Variants in FBLIM1 observed in about 807,000 individuals in gnomAD.
The protein encoded by FBLIM1 is filamin binding LIM protein 1, also known as filamin-binding LIM protein 1.
A neutral mutation model predicts 37.4 loss-of-function variants in FBLIM1; 29 were observed. That is an observed-to-expected ratio of 0.77 (90% CI 0.58 to 1.06). The LOEUF (loss-of-function observed/expected upper bound fraction) is 1.06. Among genes scored for constraint, FBLIM1 ranks in the 50% least tolerant of loss-of-function variants. The pLI is 0.00. For missense variants in FBLIM1, 449 were observed against 505.6 expected (o/e 0.89, Z 1.07); for synonymous variants, 193 against 199.0 (o/e 0.97, Z 0.25).
At chr1:15,769,798 G>C (rs1300369947) in intron 5 of FBLIM1, among the ~76,000 whole-genome samples, 1 of 151,942 alleles carries the variant, frequency 6.6e-6, no homozygotes, top group Non-Finnish European at 1.5e-5. Context: ...ACCACGCCCA[G>C]CTAATTTTTG....
Position 15,785,933 on chromosome 1 carries a change from A to G in FBLIM1, c.*1272A>G, listed in dbSNP as rs2069758125. On this transcript the variant is annotated 3_prime_UTR_variant, in exon 9 of 9. Coordinates refer to ENST00000375766, the MANE Select transcript of FBLIM1 (RefSeq NM_017556.4). ...GTGTTGAGTCAGCAGGCATGGGGTG[A>G]GAGCCTGGTATATGCTGGGAACAGG... The G allele has an allele frequency of 6.6e-6, 1 of 152,248 alleles. No individual in the cohort carries two copies. Among genetic ancestry groups the G allele is most frequent in the Non-Finnish European group, 1.5e-5 (1 of 68,082 alleles). 9.4% of individuals were successfully genotyped at this position (152,248 alleles called of 1,614,324 possible).
chr1:15,762,260 GTTTTTT>G (rs57122494), intron 1 of FBLIM1, among the ~76,000 whole-genome samples: 4 of 108,668 alleles, frequency 3.7e-5, no homozygotes, highest in Non-Finnish European at 5.6e-5. Flanking sequence ...TGGCTAATTT[GTTTTTT>G]TTTTTTTTTT....
upstream of FBLIM1, chr1:15,758,758 G>A (rs1022670433): frequency 1.1e-4 from 17 of 151,852 alleles, no homozygotes; most frequent in Admixed American, 3.3e-4. The surrounding 1 kb of genome is among the most constrained non-coding windows in gnomAD (Gnocchi z 6.2). Context: ...GGCGGGGAGG[G>A]CGGACGGGCG....
rs11487757 is a variant in FBLIM1, at chr1:15,773,149, G to T, written c.712-1469G>T. ...GGCCAGGTGCCGTGGCTCATGCCAGGCCGAGGCAGGTGGATCACCTGAGGT... is the reference window on the plus strand; with the variant it reads ...GGCCAGGTGCCGTGGCTCATGCCAGTCCGAGGCAGGTGGATCACCTGAGGT... On this transcript the variant is annotated intron_variant, in intron 6 of 8. Coordinates refer to ENST00000375766, the MANE Select transcript of FBLIM1 (RefSeq NM_017556.4). 7.3e-3 allele frequency among the ~76,000 whole-genome samples: 1,115 copies of T among 152,274 alleles called. 12 individuals are homozygous for T. The highest frequency in any genetic ancestry group is 0.026 in the African/African-American group (1,064 of 41,566).
chr1:15,782,690 G>A (rs1325660356), intron 8 of FBLIM1, among the ~76,000 whole-genome samples: 1 of 152,134 alleles, frequency 6.6e-6, no homozygotes, highest in Non-Finnish European at 1.5e-5. Flanking sequence ...TGGCCTTGTA[G>A]GGAGGAGACA....
intron 7 of FBLIM1, 65 bp downstream of exon 7, chr1:15,774,861 G>A (rs1415348225): frequency 1.2e-6 from 2 of 1,613,398 alleles, no homozygotes; most frequent in Non-Finnish European, 1.7e-6. Flanking sequence ...CAGGGTGAAG[G>A]AGCTGAGCTT....
intron 4 of FBLIM1, among the ~76,000 whole-genome samples, chr1:15,768,038 A>G (rs1458949481): frequency 6.6e-6 from 1 of 152,070 alleles, no homozygotes; most frequent in Non-Finnish European, 1.5e-5. Context: ...CACCCACACC[A>G]TGCCTGGCTA....
In FBLIM1 at chr1:15,777,229, A is replaced by G. The variant is rs1288641122; in HGVS notation, c.950A>G (p.Asp317Gly). 6.2e-7 allele frequency: 1 copy of G among 1,613,496 alleles called. No homozygotes were observed. The highest frequency in any genetic ancestry group is 1.7e-5 in the Admixed American group (1 of 59,952). ...CCCATCATCCCTCGGGATGGGAAAG[A>G]TGCCTTCAAAATCGAATGCATGGGA... is the stretch of plus-strand genomic sequence containing the variant. ...ENPIIPRDGK[D>G]AFKIECMGRN... Residue 317 changes from aspartate (D) to glycine (G), a missense_variant, in exon 8 of 9, where the codon GAT becomes GGT. Coordinates refer to ENST00000375766, the MANE Select transcript of FBLIM1 (RefSeq NM_017556.4).
At chr1:15,771,849 C>T (rs1264010911) in intron 6 of FBLIM1, among the ~76,000 whole-genome samples, 2 of 151,692 alleles carry the variant, frequency 1.3e-5, no homozygotes. Context: ...GGCCAAGGAG[C>T]TGGGATTCTA....
At chr1:15,774,119 C>G (rs181649062) in intron 6 of FBLIM1, among the ~76,000 whole-genome samples, 1 of 152,090 alleles carries the variant, frequency 6.6e-6, no homozygotes, top group Middle Eastern at 3.2e-3. Flanking sequence ...AGTAACAGAG[C>G]GAGACTCTGT....
Position 15,760,625 on chromosome 1 carries a change from G to T in FBLIM1, c.-211+1777G>T, listed in dbSNP as rs567480294. On this transcript the variant is annotated intron_variant, in intron 1 of 8. Coordinates refer to ENST00000375766, the MANE Select transcript of FBLIM1 (RefSeq NM_017556.4). ...CTTTGTAGGGAACAAGGAGTAGGAA[G>T]GAGGACTGTGGGGGTGACCCCCCCT... Among the ~76,000 whole-genome samples, 5 of 151,472 alleles carry T rather than the reference G, an allele frequency of 3.3e-5. No homozygotes were observed. In the East Asian group the frequency reaches 9.7e-4, roughly 29 times the overall value.
Position 15,765,358 on chromosome 1 carries a change from C to T in FBLIM1, c.250+125C>T. On this transcript the variant is annotated intron_variant, in intron 3 of 8. Transcript: ENST00000375766. The surrounding 1 kb of genome is among the most constrained non-coding windows in gnomAD (Gnocchi z 5.9). ...ACAAAATTCACACATCAACGGGAAA[C>T]AAAAAGATGTGCCCCTTCTGGGTGG... 1 of 1,346,078 alleles carries T rather than the reference C, an allele frequency of 7.4e-7. No homozygotes were observed. The highest frequency in any genetic ancestry group is 1.5e-5 in the South Asian group (1 of 67,822). 83.4% of individuals were successfully genotyped at this position (1,346,078 alleles called of 1,614,324 possible). A position where few individuals can be genotyped will look rare whatever the true frequency, so the allele number is the denominator to read the frequency against.
In FBLIM1 at chr1:15,765,952, C is replaced by T. The variant is rs1375669396; in HGVS notation, c.250+719C>T. ...CTGGTTCCTGACTCCGTGAGCTCAT[C>T]GGAGCCTCTTTCTCTCACTTCCGCT... is the stretch of plus-strand genomic sequence containing the variant. On this transcript the variant is annotated intron_variant, in intron 3 of 8. Transcript: ENST00000375766. The surrounding 1 kb of genome is among the most constrained non-coding windows in gnomAD (Gnocchi z 5.9). Among the ~76,000 whole-genome samples the T allele has an allele frequency of 6.6e-6, 1 of 152,156 alleles. No homozygotes were observed. Among genetic ancestry groups the T allele is most frequent in the East Asian group, 1.9e-4 (1 of 5,186 alleles).
intron 5 of FBLIM1, among the ~76,000 whole-genome samples, chr1:15,769,611 G>T (rs2069103259): frequency 1.3e-5 from 2 of 152,146 alleles, no homozygotes; most frequent in South Asian, 4.2e-4. Flanking sequence ...CTGCTGTCCA[G>T]AATTCCTTAT....
intron 7 of FBLIM1, chr1:15,775,195 G>C (rs2069440609): frequency 5.1e-6 from 1 of 195,606 alleles, no homozygotes. Flanking sequence ...ACTCCAGCCT[G>C]GGCAACAGAG....
At chr1:15,762,557 G>C in intron 1 of FBLIM1, among the ~76,000 whole-genome samples, 1 of 152,066 alleles carries the variant, frequency 6.6e-6, no homozygotes, top group Non-Finnish European at 1.5e-5. Context: ...CTCCACGCCA[G>C]GCCAAATTTT....
Position 15,774,725 on chromosome 1 carries a change from C to T in FBLIM1, c.819C>T (p.Ala273=). 6.2e-7 allele frequency: 1 copy of T among 1,614,114 alleles called. No individual in the cohort carries two copies. The highest frequency in any genetic ancestry group is 8.5e-7 in the Non-Finnish European group (1 of 1,179,994). ...HPSCFTCVTC[A]RCIGDESFAL... ...CCTGCTTCACGTGTGTGACCTGCGC[C>T]CGGTGCATTGGGGATGAGAGCTTTG... Residue 273 remains alanine, a synonymous_variant, in exon 7 of 9, where the codon GCC becomes GCT. Transcript: ENST00000375766.
chr1:15,777,564 C>A (rs1263581406), intron 8 of FBLIM1, among the ~76,000 whole-genome samples: 1 of 150,000 alleles, frequency 6.7e-6, no homozygotes, highest in Non-Finnish European at 1.5e-5. Flanking sequence ...GGCATCAGGA[C>A]TCTCTCCATT....
At position 15,765,138 on chromosome 1, in the gene FBLIM1, C is replaced by A; in HGVS notation, c.155C>A (p.Pro52His). 1.9e-6 allele frequency: 3 copies of A among 1,613,866 alleles called. No homozygotes were observed. The highest frequency in any genetic ancestry group is 1.7e-6 in the Non-Finnish European group (2 of 1,179,896). The change falls in exon 3 of 9, where the codon CCC (proline) becomes CAC (histidine). Residue 52 changes from proline (P) to histidine (H), a missense_variant. Physicochemically the swap from Pro to His is moderately conservative, Grantham distance 77. Coordinates refer to ENST00000375766, the MANE Select transcript of FBLIM1 (RefSeq NM_017556.4). This position sits in a 1 kb window ranked among gnomAD's most constrained non-coding sequence, Gnocchi z 5.9. ...PWEAPAPMKT[P>H]EAGLAGRPSP... ...GAGGCTCCTGCCCCCATGAAGACAC[C>A]CGAGGCTGGCTTGGCGGGGAGGCCC...
Sources: gnomAD v4.1 joint callset for allele counts (sites outside exome capture counted in the v4.1 genomes callset) on GRCh38, gnomAD v4.1.1 for gene constraint, Gnocchi (gnomAD v3.1) non-coding constraint, MANE v1.5 for transcripts, NCBI Gene and HGNC (gene_info 2026-07-23, HGNC 2026-07-21) for gene names.